PHACTR1: variants seen among roughly 807,000 people sequenced by gnomAD.
The protein encoded by PHACTR1 is RPEL repeat containing 1.
PHACTR1 carries 16 observed loss-of-function variants against 69.2 expected under a neutral mutation model. That is an observed-to-expected ratio of 0.23 (90% CI 0.16 to 0.35). The LOEUF (loss-of-function observed/expected upper bound fraction) is 0.35. PHACTR1 is among the 10% of genes least tolerant of loss of function. The probability of loss-of-function intolerance (pLI) is 1.00; values close to 1 mark genes in which losing one functional copy is unlikely to be tolerated. For synonymous variants in PHACTR1, 312 were observed against 284.5 expected, an observed-to-expected ratio of 1.10 and a Z score of -0.97; for missense variants, 510 against 734.7, an observed-to-expected ratio of 0.69 and a Z score of 3.54.
At chr6:13,163,799 G>A (rs1342979437) in intron 6 of PHACTR1, among the ~76,000 whole-genome samples, 3 of 152,120 alleles carry the variant, frequency 2.0e-5, no homozygotes, top group African/African-American at 4.8e-5. Context: ...GAAAGTATGG[G>A]TGATGTTGTG....
At chr6:12,933,551 G>A (rs768689250) in intron 4 of PHACTR1, 24 of 1,571,786 alleles carry the variant, frequency 1.5e-5, no homozygotes, top group Non-Finnish European at 1.9e-5. Flanking sequence ...AATGGATCTC[G>A]CCAGGGTGAT....
In PHACTR1 at chr6:12,870,109, A is replaced by C. The variant is rs918652131; in HGVS notation, c.250+120319A>C. ...GCTGGCTGAATGATCACTGTGGATG[A>C]ATAAGGACATGGAAAAAAAAAAAAA... On this transcript the variant is annotated intron_variant, in intron 4 of 14. Coordinates refer to ENST00000332995, the MANE Select transcript of PHACTR1 (RefSeq NM_030948.6). Among the ~76,000 whole-genome samples, 3 of 150,750 alleles carry C rather than the reference A, an allele frequency of 2.0e-5. No individual in the cohort carries two copies. The South Asian group carries it at 6.3e-4, about 31-fold the overall frequency.
intron 12 of PHACTR1, among the ~76,000 whole-genome samples, chr6:13,278,579 C>T (rs375067107): frequency 5.3e-5 from 8 of 152,314 alleles, no homozygotes; most frequent in African/African-American, 9.6e-5. Flanking sequence ...ATGGCTATTG[C>T]GTTGTATTTT....
At position 13,256,128 on chromosome 6, in the gene PHACTR1, G is replaced by A. The variant is rs2127408591; in HGVS notation, c.1392-16732G>A. On this transcript the variant is annotated intron_variant, in intron 10 of 14. Transcript: ENST00000332995. Reference sequence around the variant, plus strand: ...AACACCCACAGCCTTACTACAATATGGAAGCCACCAAGGCGTACAGTTTGC... The same window carrying A: ...AACACCCACAGCCTTACTACAATATAGAAGCCACCAAGGCGTACAGTTTGC... Among the ~76,000 whole-genome samples, 2 of 152,368 alleles carry A rather than the reference G, an allele frequency of 1.3e-5. 1 individual carries two copies. The highest frequency in any genetic ancestry group is 4.1e-4 in the South Asian group (2 of 4,826).
At chr6:12,934,977 G>C (rs1789278447) in intron 4 of PHACTR1, among the ~76,000 whole-genome samples, 1 of 152,168 alleles carries the variant, frequency 6.6e-6, no homozygotes, top group South Asian at 2.1e-4. Flanking sequence ...TCCCTCACCA[G>C]GTCATGTACC....
At chr6:13,210,555 G>A (rs375435951) in intron 8 of PHACTR1, among the ~76,000 whole-genome samples, 17 of 152,156 alleles carry the variant, frequency 1.1e-4, no homozygotes, top group East Asian at 7.7e-4. Context: ...ATTAACTGCC[G>A]GAGTTTGAGT....
chr6:12,774,792 A>G (rs1769846675), intron 4 of PHACTR1, among the ~76,000 whole-genome samples: 1 of 152,212 alleles, frequency 6.6e-6, no homozygotes, highest in Non-Finnish European at 1.5e-5. Context: ...ACACAGACAC[A>G]TTACTTCTGA....
At chr6:13,210,112 A>T (rs1006979856) in intron 8 of PHACTR1, among the ~76,000 whole-genome samples, 1 of 152,130 alleles carries the variant, frequency 6.6e-6, no homozygotes, top group South Asian at 2.1e-4. Flanking sequence ...GGCTCAAGCA[A>T]TTCTCCCACC....
intron 4 of PHACTR1, among the ~76,000 whole-genome samples, chr6:12,831,590 C>T (rs1355727092): frequency 1.3e-5 from 2 of 152,086 alleles, no homozygotes; most frequent in Admixed American, 1.3e-4. Context: ...TGGCTTCTCT[C>T]GAAGTGTTTC....
At chr6:12,902,388 A>G (rs553392024) in intron 4 of PHACTR1, among the ~76,000 whole-genome samples, 5 of 152,282 alleles carry the variant, frequency 3.3e-5, no homozygotes, top group South Asian at 2.1e-4. Context: ...ACACAACTGC[A>G]CTCCAGCCTG....
At chr6:12,915,506 CAAAAAAAAAAAAAAG>C (rs980519479) in intron 4 of PHACTR1, among the ~76,000 whole-genome samples, 3 of 50,240 alleles carry the variant, frequency 6.0e-5, no homozygotes, top group African/African-American at 2.2e-4. Flanking sequence ...AACTCTCTCT[CAAAAAAAAAAAAAAG>C]AAAAAAAAAA....
intron 3 of PHACTR1, among the ~76,000 whole-genome samples, chr6:12,746,502 C>T (rs532815466): frequency 6.6e-6 from 1 of 152,290 alleles, no homozygotes; most frequent in African/African-American, 2.4e-5. Flanking sequence ...TGCATCACTG[C>T]ACTCCAACCT....
intron 10 of PHACTR1, among the ~76,000 whole-genome samples, chr6:13,243,938 T>C (rs1364147299): frequency 6.6e-6 from 1 of 152,240 alleles, no homozygotes. Flanking sequence ...CTCATTCTTT[T>C]TTATGGCTGC....
chr6:13,146,928 A>G (rs1823442830), intron 5 of PHACTR1, among the ~76,000 whole-genome samples: 2 of 152,208 alleles, frequency 1.3e-5, no homozygotes, highest in South Asian at 4.1e-4. Context: ...ATTAGATGTT[A>G]TGATACACCC....
chr6:13,099,597 G>A (rs1430240690), intron 5 of PHACTR1, among the ~76,000 whole-genome samples: 1 of 152,172 alleles, frequency 6.6e-6, no homozygotes, highest in Non-Finnish European at 1.5e-5. Context: ...TGTGGATGTG[G>A]ATGTGGGTGT....
intron 4 of PHACTR1, among the ~76,000 whole-genome samples, chr6:13,003,620 T>A (rs1220267187): frequency 6.6e-6 from 1 of 152,030 alleles, no homozygotes; most frequent in Non-Finnish European, 1.5e-5. Flanking sequence ...GAAGTATAAG[T>A]GTCATTTTTT....
chr6:13,281,401 A>C, intron 12 of PHACTR1: 1 of 306,546 alleles, frequency 3.3e-6, no homozygotes. Context: ...TAAAAATACA[A>C]AAATTAGCCG....
chr6:12,749,624 C>T lies in PHACTR1; in HGVS notation c.104-20C>T, dbSNP rs754813176. ...CCTTCCGCCTCTCTCCCTCTCCCTC[C>T]GTCTCCTTCTCCCTCTCAGCTCGCC... On this transcript the variant is annotated intron_variant, in intron 3 of 14. Transcript: ENST00000332995. The T allele has an allele frequency of 1.3e-6, 2 of 1,593,814 alleles. No individual in the cohort carries two copies. The highest frequency in any genetic ancestry group is 1.1e-5 in the South Asian group (1 of 90,048).
intron 6 of PHACTR1, among the ~76,000 whole-genome samples, chr6:13,180,324 GT>G (rs919518471): frequency 7.9e-5 from 12 of 152,100 alleles, no homozygotes; most frequent in Non-Finnish European, 2.9e-5. Flanking sequence ...CTCCAAAGTG[GT>G]TTGGGCCTTT....
Sources: gnomAD v4.1 joint callset for allele counts (sites outside exome capture counted in the v4.1 genomes callset) on GRCh38, gnomAD v4.1.1 for gene constraint, MANE v1.5 for transcripts, NCBI Gene and HGNC (gene_info 2026-07-23, HGNC 2026-07-21) for gene names.